GRIK2: variants seen among roughly 807,000 people sequenced by gnomAD.
GRIK2 encodes glutamate receptor ionotropic, kainate 2.
GRIK2 carries 32 observed loss-of-function variants against 100.3 expected under a neutral mutation model. The observed-to-expected ratio is 0.32, with a 90% CI of 0.24 to 0.43. The LOEUF is 0.43. Among genes scored for constraint, GRIK2 ranks in the 20% least tolerant of loss-of-function variants. The pLI is 1.00. For synonymous variants in GRIK2, 417 were observed against 389.4 expected (o/e 1.07, Z -0.83); for missense variants, 843 against 1,114.9 (o/e 0.76, Z 3.47).
chr6:101,544,772 CTG>C (rs1562214954), intron 2 of GRIK2, among the ~76,000 whole-genome samples: 3 of 152,152 alleles, frequency 2.0e-5, no homozygotes, highest in Non-Finnish European at 4.4e-5. Context: ...GTTTGGGAAA[CTG>C]AGATTTAGAA....
intron 14 of GRIK2, among the ~76,000 whole-genome samples, chr6:101,960,048 G>GTTTTTTTTT (rs3029100): frequency 1.8e-4 from 21 of 118,258 alleles, no homozygotes; most frequent in African/African-American, 5.0e-4. Context: ...TTTTTTTAGT[G>GTTTTTTTTT]TTTTGTTTTT....
rs530798042 is a variant in GRIK2 at position 101,845,997 on chromosome 6, A to G, written c.1318-13290A>G. 8.0e-5 allele frequency among the ~76,000 whole-genome samples: 12 copies of G among 150,076 alleles called. No homozygotes were observed. In the East Asian group the frequency reaches 2.3e-3, roughly 29 times the overall value. The stretch of plus-strand genomic sequence containing the variant: ...CTATTCAAGCTCTGTGCCCATTTTT[A>G]AACAGCATTGTTTTTTTTTTGTTGT... On this transcript the variant is annotated intron_variant, in intron 10 of 16. Transcript: ENST00000369134.
intron 2 of GRIK2, among the ~76,000 whole-genome samples, chr6:101,432,718 A>G (rs1769476043): frequency 6.6e-6 from 1 of 152,196 alleles, no homozygotes; most frequent in African/African-American, 2.4e-5. Flanking sequence ...TATGAAAAAG[A>G]TAATGATAAT....
chr6:102,024,421 C>A (rs910893625), intron 14 of GRIK2, among the ~76,000 whole-genome samples: 4 of 151,310 alleles, frequency 2.6e-5, no homozygotes, highest in Non-Finnish European at 5.9e-5. Flanking sequence ...CAGGGCAAGT[C>A]TCCCTTTTCC....
chr6:101,856,554 G>T (rs1343489174), intron 10 of GRIK2, among the ~76,000 whole-genome samples: 1 of 152,074 alleles, frequency 6.6e-6, no homozygotes, highest in Admixed American at 6.6e-5. Context: ...AAAAAGGTTA[G>T]AGCTCATAAC....
chr6:101,653,552 A>G (rs1327867404), intron 4 of GRIK2, among the ~76,000 whole-genome samples: 3 of 151,448 alleles, frequency 2.0e-5, no homozygotes, highest in Admixed American at 2.0e-4. Context: ...GTATTTTTCT[A>G]CTCTTTCAAG....
intron 11 of GRIK2, among the ~76,000 whole-genome samples, chr6:101,878,535 T>C (rs1786027281): frequency 6.6e-6 from 1 of 151,978 alleles, no homozygotes; most frequent in Non-Finnish European, 1.5e-5. Context: ...AAACACAATA[T>C]ACCTCACAAA....
At chr6:101,522,814 G>T (rs1357577642) in intron 2 of GRIK2, among the ~76,000 whole-genome samples, 1 of 151,642 alleles carries the variant, frequency 6.6e-6, no homozygotes, top group Non-Finnish European at 1.5e-5. Flanking sequence ...TAAGCTCCAT[G>T]GCTCCATGAC....
chr6:101,503,653 C>T (rs976206923), intron 2 of GRIK2, among the ~76,000 whole-genome samples: 2 of 152,086 alleles, frequency 1.3e-5, no homozygotes, highest in Non-Finnish European at 2.9e-5. Flanking sequence ...GTAAATTTTG[C>T]AGTTTACATT....
chr6:101,935,399 A>G (rs1479995789), intron 14 of GRIK2, among the ~76,000 whole-genome samples: 3 of 151,828 alleles, frequency 2.0e-5, no homozygotes, highest in Non-Finnish European at 4.4e-5. Context: ...GTCTAAGTGA[A>G]AATTGAGAAA....
intron 2 of GRIK2, among the ~76,000 whole-genome samples, chr6:101,522,272 C>T (rs1202744619): frequency 6.6e-6 from 1 of 152,116 alleles, no homozygotes; most frequent in Non-Finnish European, 1.5e-5. Context: ...GCTCTTCTCC[C>T]CTTTCCTGCT....
At chr6:101,657,793 AT>A (rs901227320) in intron 4 of GRIK2, among the ~76,000 whole-genome samples, 4 of 151,420 alleles carry the variant, frequency 2.6e-5, no homozygotes, top group Non-Finnish European at 4.4e-5. Flanking sequence ...AAGGGTGTAA[AT>A]TTTTTTTTCA....
In GRIK2 at chr6:101,903,950, G is replaced by T. The variant is rs546927370; in HGVS notation, c.1748+14087G>T. The stretch of plus-strand genomic sequence containing the variant: ...ATAAGGTCAGGAGAACTATGTAGTA[G>T]AGTTTTCTTTTAGGAATTCACTATT... On this transcript the variant is annotated intron_variant, in intron 12 of 16. Coordinates refer to ENST00000369134, the MANE Select transcript of GRIK2 (RefSeq NM_021956.5). 4.6e-5 allele frequency among the ~76,000 whole-genome samples: 7 copies of T among 151,610 alleles called. No homozygotes were observed. In the South Asian group the frequency reaches 1.5e-3, roughly 31 times the overall value.
At chr6:101,691,391 C>T (rs1772085829) in intron 7 of GRIK2, among the ~76,000 whole-genome samples, 1 of 151,692 alleles carries the variant, frequency 6.6e-6, no homozygotes, top group Admixed American at 6.6e-5. Flanking sequence ...TCTGCCTCCC[C>T]AGATTGCAGA....
At chr6:101,821,365 A>T (rs914064579) in intron 10 of GRIK2, among the ~76,000 whole-genome samples, 1 of 152,178 alleles carries the variant, frequency 6.6e-6, no homozygotes, top group African/African-American at 2.4e-5. Flanking sequence ...CTAATGCCTA[A>T]AACGTACCCC....
intron 2 of GRIK2, among the ~76,000 whole-genome samples, chr6:101,523,754 C>G (rs550124365): frequency 1.6e-4 from 21 of 133,018 alleles, no homozygotes; most frequent in South Asian, 5.0e-4. Flanking sequence ...GAGTCTCACT[C>G]TGTCGCCTAG....
At chr6:101,400,905 C>G (rs1361271077) in intron 2 of GRIK2, among the ~76,000 whole-genome samples, 1 of 152,146 alleles carries the variant, frequency 6.6e-6, no homozygotes, top group African/African-American at 2.4e-5. Context: ...GCACGTTGCT[C>G]TTAGCAACAA....
intron 11 of GRIK2, among the ~76,000 whole-genome samples, chr6:101,881,568 A>G (rs1786246244): frequency 6.6e-6 from 1 of 152,008 alleles, no homozygotes; most frequent in Admixed American, 6.6e-5. Flanking sequence ...ATCACTGTGA[A>G]GAAAACAGGA....
intron 12 of GRIK2, among the ~76,000 whole-genome samples, chr6:101,912,460 T>C (rs1250781377): frequency 6.6e-6 from 1 of 151,566 alleles, no homozygotes; most frequent in Non-Finnish European, 1.5e-5. Context: ...TCAAAGATTA[T>C]GTTATCAACA....
Sources: gnomAD v4.1 joint callset for allele counts (sites outside exome capture counted in the v4.1 genomes callset) on GRCh38, gnomAD v4.1.1 for gene constraint, MANE v1.5 for transcripts, NCBI Gene and HGNC (gene_info 2026-07-23, HGNC 2026-07-21) for gene names.